NRXN3: variants seen among roughly 807,000 people sequenced by gnomAD.
The protein encoded by NRXN3 is neurexin 3.
Under a neutral mutation model 137.6 loss-of-function variants are expected in NRXN3, and 32 were observed. That is an observed-to-expected ratio of 0.23 (90% CI 0.18 to 0.31). The LOEUF (loss-of-function observed/expected upper bound fraction) is 0.31. Ranked by LOEUF, NRXN3 falls within the 10% of genes least tolerant of loss-of-function variation. NRXN3 has a pLI of 1.00. For missense variants in NRXN3, 1,574 were observed against 2,062.5 expected (o/e 0.76, Z 4.59); for synonymous variants, 798 against 784.5 (o/e 1.02, Z -0.29).
At chr14:78,706,335 T>A (rs1023554864) in intron 6 of NRXN3, among the ~76,000 whole-genome samples, 1 of 152,234 alleles carries the variant, frequency 6.6e-6, no homozygotes, top group Non-Finnish European at 1.5e-5. Flanking sequence ...TTTACTCACT[T>A]GAGTGATTGC....
At chr14:79,140,856 T>A (rs2058724129) in intron 15 of NRXN3, among the ~76,000 whole-genome samples, 1 of 152,176 alleles carries the variant, frequency 6.6e-6, no homozygotes, top group Non-Finnish European at 1.5e-5. Context: ...TGCCTTAACT[T>A]GCCCTTAATG....
intron 15 of NRXN3, among the ~76,000 whole-genome samples, chr14:79,139,018 T>C (rs1204603743): frequency 6.6e-6 from 1 of 152,218 alleles, no homozygotes; most frequent in Non-Finnish European, 1.5e-5. Flanking sequence ...GTGATGCACC[T>C]GTCTTTTCAA....
intron 15 of NRXN3, among the ~76,000 whole-genome samples, chr14:79,449,633 C>A (rs367805940): frequency 6.6e-6 from 1 of 152,138 alleles, no homozygotes; most frequent in Non-Finnish European, 1.5e-5. Context: ...TATAAGGCCT[C>A]AAGTCATTTT....
intron 4 of NRXN3, among the ~76,000 whole-genome samples, chr14:78,409,472 C>T (rs2092697120): frequency 6.6e-6 from 1 of 152,220 alleles, no homozygotes; most frequent in African/African-American, 2.4e-5. Context: ...GACTCATCAT[C>T]TCCATAACTG....
At chr14:78,172,527 C>T (rs911757575) in intron 1 of NRXN3, among the ~76,000 whole-genome samples, 6 of 152,202 alleles carry the variant, frequency 3.9e-5, no homozygotes, top group East Asian at 1.9e-4. Flanking sequence ...ATATTTCAGA[C>T]GGGTGCTGGT....
At chr14:79,708,859 G>T (rs1223488284) in intron 19 of NRXN3, among the ~76,000 whole-genome samples, 1 of 152,132 alleles carries the variant, frequency 6.6e-6, no homozygotes, top group Non-Finnish European at 1.5e-5. Context: ...GGAAATAAAT[G>T]CACACCACGT....
chr14:79,740,744 A>G (rs1603458592), intron 19 of NRXN3, among the ~76,000 whole-genome samples: 1 of 50,364 alleles, frequency 2.0e-5, no homozygotes, highest in Admixed American at 1.7e-4. Context: ...ATATATATAT[A>G]TATATATATA....
chr14:78,875,417 A>G (rs1234215623), intron 10 of NRXN3, among the ~76,000 whole-genome samples: 1 of 152,202 alleles, frequency 6.6e-6, no homozygotes, highest in Non-Finnish European at 1.5e-5. Flanking sequence ...TGTAGGCTCC[A>G]TCAACTTTAA....
At chr14:79,704,591 A>T (rs1413219497) in intron 19 of NRXN3, among the ~76,000 whole-genome samples, 1 of 152,160 alleles carries the variant, frequency 6.6e-6, no homozygotes, top group African/African-American at 2.4e-5. Flanking sequence ...ATATTGATTA[A>T]CAGCCTTACA....
chr14:78,763,134 T>G (rs2098698133), intron 8 of NRXN3, among the ~76,000 whole-genome samples: 1 of 152,230 alleles, frequency 6.6e-6, no homozygotes, highest in Non-Finnish European at 1.5e-5. Context: ...AAGTGCGGAT[T>G]CAAGGCAATG....
intron 8 of NRXN3, among the ~76,000 whole-genome samples, chr14:78,760,035 T>C (rs1308311165): frequency 9.5e-5 from 6 of 62,940 alleles, no homozygotes; most frequent in Non-Finnish European, 1.6e-4. Context: ...GCCTGCAGTC[T>C]TTTTTTTTTT....
chr14:78,659,332 T>C (rs1356662705), intron 6 of NRXN3, among the ~76,000 whole-genome samples: 1 of 152,252 alleles, frequency 6.6e-6, no homozygotes, highest in South Asian at 2.1e-4. Context: ...TATTTTGTTA[T>C]GGCAGCTCTA....
Position 78,728,852 on chromosome 14 carries a change from C to G in NRXN3, c.2044+13713C>G, listed in dbSNP as rs2098500463. Among the ~76,000 whole-genome samples, 5 of 152,060 alleles carry G rather than the reference C, an allele frequency of 3.3e-5. No individual in the cohort carries two copies. In the South Asian group the frequency reaches 1.0e-3, roughly 32 times the overall value. On this transcript the variant is annotated intron_variant, in intron 8 of 20. Transcript: ENST00000335750. ...AGGCGGAGGTTGCAGTGAGCTGAGA[C>G]TGCACCACTGCACTCCAGCCTGGGC...
At chr14:79,134,090 C>T (rs181461504) in intron 15 of NRXN3, among the ~76,000 whole-genome samples, 7 of 152,202 alleles carry the variant, frequency 4.6e-5, no homozygotes, top group East Asian at 1.9e-4. Flanking sequence ...TTTCCTCTCA[C>T]CCCTTAGTGG....
At chr14:79,236,777 T>C (rs938077325) in intron 15 of NRXN3, among the ~76,000 whole-genome samples, 6 of 151,982 alleles carry the variant, frequency 3.9e-5, no homozygotes, top group Non-Finnish European at 7.4e-5. Context: ...TAGCCAGGCA[T>C]GGTGGCACAC....
chr14:78,335,529 T>C (rs2081361202), intron 4 of NRXN3, among the ~76,000 whole-genome samples: 1 of 152,228 alleles, frequency 6.6e-6, no homozygotes, highest in Non-Finnish European at 1.5e-5. Context: ...TTGATTGATA[T>C]TAATGTATAA....
At chr14:79,307,446 A>G (rs1462003216) in intron 15 of NRXN3, among the ~76,000 whole-genome samples, 1 of 152,102 alleles carries the variant, frequency 6.6e-6, no homozygotes, top group Non-Finnish European at 1.5e-5. Flanking sequence ...TGTTTCATGA[A>G]AACTTACCCC....
rs112298688 is a variant in NRXN3 at position 79,598,109 on chromosome 14, G to A, written c.3445-65669G>A. 5.8e-3 allele frequency among the ~76,000 whole-genome samples: 883 copies of A among 152,240 alleles called. 9 individuals are homozygous for A. The highest frequency in any genetic ancestry group is 0.021 in the African/African-American group (861 of 41,544). On this transcript the variant is annotated intron_variant, in intron 16 of 20. Coordinates refer to ENST00000335750, the MANE Select transcript of NRXN3 (RefSeq NM_001330195.2). Reference sequence around the variant, plus strand: ...TTTAAATCATTATGTAGTGATTAGAGGAAGAGGAATAAAGGGTAATGTGAG... The same window carrying A: ...TTTAAATCATTATGTAGTGATTAGAAGAAGAGGAATAAAGGGTAATGTGAG...
chr14:79,756,063 T>C (rs1041264593), intron 19 of NRXN3, among the ~76,000 whole-genome samples: 5 of 152,170 alleles, frequency 3.3e-5, no homozygotes, highest in Non-Finnish European at 5.9e-5. Flanking sequence ...GTAGGGACTT[T>C]AATAGCCCCT....
Sources: allele counts gnomAD v4.1 joint callset (sites outside exome capture counted in the v4.1 genomes callset), GRCh38; gene constraint gnomAD v4.1.1; transcripts MANE v1.5; gene names NCBI Gene and HGNC (gene_info 2026-07-23, HGNC 2026-07-21).